CADM1: variants seen among roughly 807,000 people sequenced by gnomAD.
The protein encoded by CADM1 is cell adhesion molecule 1.
In CADM1, 15 loss-of-function variants were observed where a neutral mutation model predicts 53.1. That is an observed-to-expected ratio of 0.28 (90% CI 0.19 to 0.44). The LOEUF (loss-of-function observed/expected upper bound fraction) is 0.44. Ranked by LOEUF, CADM1 falls within the 20% of genes least tolerant of loss-of-function variation. CADM1 has a pLI of 1.00. For synonymous variants in CADM1, 281 were observed against 243.0 expected (o/e 1.16, Z -1.45); for missense variants, 434 against 611.3 (o/e 0.71, Z 3.06).
chr11:115,296,006 A>G (rs1944068481), intron 1 of CADM1, among the ~76,000 whole-genome samples: 3 of 152,138 alleles, frequency 2.0e-5, no homozygotes, highest in Non-Finnish European at 2.9e-5. Flanking sequence ...GCTGGAGTGC[A>G]GTGGTGCAAC....
chr11:115,213,151 T>C (rs1225884523), intron 7 of CADM1, among the ~76,000 whole-genome samples: 3 of 152,146 alleles, frequency 2.0e-5, no homozygotes, highest in Admixed American at 6.6e-5. Flanking sequence ...GCAACAGCAA[T>C]GTCGGGGACT....
chr11:115,214,718 C>G lies in CADM1; in HGVS notation c.884G>C (p.Gly295Ala). 1 of 1,613,950 alleles carries G rather than the reference C, an allele frequency of 6.2e-7. No individual in the cohort carries two copies. Among genetic ancestry groups the G allele is most frequent in the Non-Finnish European group, 8.5e-7 (1 of 1,179,950 alleles). ...TAGGTTATTGATGAACAGGTTGGGC[C>G]CAGACAGTACGGCGTGTTGAGGCAT... is the stretch of plus-strand genomic sequence containing the variant. Reference protein sequence around the residue: ...DEMPQHAVLSGPNLFINNLNK... With the variant: ...DEMPQHAVLSAPNLFINNLNK... The change falls in exon 7 of 12, where the codon GGG (glycine) becomes GCG (alanine). Residue 295 changes from glycine (G) to alanine (A), a missense_variant. By Grantham distance (60) the Gly-to-Ala change is moderately conservative. Coordinates refer to ENST00000331581, the MANE Select transcript of CADM1 (RefSeq NM_001301043.2).
intron 1 of CADM1, among the ~76,000 whole-genome samples, chr11:115,409,914 C>T (rs543375883): frequency 1.3e-5 from 2 of 152,146 alleles, no homozygotes; most frequent in African/African-American, 2.4e-5. Context: ...GGGGTCTGTA[C>T]GCAAAACATG....
chr11:115,355,952 CTTCCTGAGTAGCTGGGATTATAGGCAT>C (rs1945859955), intron 1 of CADM1, among the ~76,000 whole-genome samples: 1 of 152,158 alleles, frequency 6.6e-6, no homozygotes, highest in Non-Finnish European at 1.5e-5. Context: ...CCTGCCTCAG[CTTCCTGAGTAGCTGGGATTATAGGCAT>C]GTGCCACCAC....
intron 3 of CADM1, among the ~76,000 whole-genome samples, chr11:115,238,050 T>A (rs751820441): frequency 1.4e-4 from 21 of 152,090 alleles, no homozygotes; most frequent in Middle Eastern, 3.2e-3. Context: ...GTCAAGCCAA[T>A]GAAAAGGAGA....
At chr11:115,247,761 C>T (rs1374514455) in intron 1 of CADM1, among the ~76,000 whole-genome samples, 3 of 152,206 alleles carry the variant, frequency 2.0e-5, no homozygotes, top group African/African-American at 4.8e-5. Flanking sequence ...GGAGAGGCAG[C>T]TCTGAAATAG....
At chr11:115,428,421 T>TAA (rs1006717441) in intron 1 of CADM1, among the ~76,000 whole-genome samples, 20 of 152,268 alleles carry the variant, frequency 1.3e-4, no homozygotes, top group African/African-American at 3.6e-4. Context: ...CTCATTTATA[T>TAA]AAAAAAGAAT....
intron 1 of CADM1, among the ~76,000 whole-genome samples, chr11:115,362,954 G>C (rs1833682219): frequency 6.6e-6 from 1 of 152,112 alleles, no homozygotes; most frequent in African/African-American, 2.4e-5. Flanking sequence ...CTAGGTGCTA[G>C]GTGACAGAAA....
chr11:115,370,426 GGGTTAGACAA>G (rs1946280319), intron 1 of CADM1, among the ~76,000 whole-genome samples: 2 of 152,102 alleles, frequency 1.3e-5, no homozygotes, highest in African/African-American at 4.8e-5. Flanking sequence ...CAGGAAATTG[GGGTTAGACAA>G]GGTTATAAGG....
intron 3 of CADM1, among the ~76,000 whole-genome samples, chr11:115,232,396 T>G (rs1941851954): frequency 6.6e-6 from 1 of 152,212 alleles, no homozygotes; most frequent in Non-Finnish European, 1.5e-5. Flanking sequence ...TAAAGTCCTT[T>G]GGATATGAAG....
At chr11:115,236,288 G>A (rs1426366950) in intron 3 of CADM1, among the ~76,000 whole-genome samples, 1 of 152,016 alleles carries the variant, frequency 6.6e-6, no homozygotes, top group Non-Finnish European at 1.5e-5. Context: ...GAGAAACGTT[G>A]GAATATACGA....
At chr11:115,456,593 C>G in intron 1 of CADM1, among the ~76,000 whole-genome samples, 1 of 151,996 alleles carries the variant, frequency 6.6e-6, no homozygotes, top group East Asian at 1.9e-4. Flanking sequence ...AGACATAGGA[C>G]TAGTTGAATG....
chr11:115,451,071 T>C (rs1367451154), intron 1 of CADM1, among the ~76,000 whole-genome samples: 3 of 152,238 alleles, frequency 2.0e-5, no homozygotes, highest in Non-Finnish European at 4.4e-5. Context: ...GCTTTAAGAA[T>C]AATCTGGAAA....
Position 115,343,842 on chromosome 11 carries a change from G to A in CADM1, c.125-103422C>T, listed in dbSNP as rs6589494. On this transcript the variant is annotated intron_variant, in intron 1 of 11. Transcript: ENST00000331581. ...CTGTGATATTGGGCAAAACTTTAAC[G>A]CTTCTGAGTTATTTTTCTTCTCTAA... is the stretch of plus-strand genomic sequence containing the variant. Among the ~76,000 whole-genome samples, 86 of 151,828 alleles carry A rather than the reference G, an allele frequency of 5.7e-4. 1 individual carries two copies. The highest frequency in any genetic ancestry group is 1.7e-3 in the African/African-American group (71 of 41,380).
At chr11:115,483,808 C>T (rs1949309338) in intron 1 of CADM1, among the ~76,000 whole-genome samples, 1 of 152,144 alleles carries the variant, frequency 6.6e-6, no homozygotes, top group Non-Finnish European at 1.5e-5. Flanking sequence ...AAAAATTCAG[C>T]CCCTTAGTCA....
chr11:115,355,475 C>G (rs941999180), intron 1 of CADM1, among the ~76,000 whole-genome samples: 3 of 151,988 alleles, frequency 2.0e-5, no homozygotes, highest in Non-Finnish European at 4.4e-5. Flanking sequence ...AGGGTAGAGG[C>G]TGGGAGGAGG....
chr11:115,353,091 T>C (rs1945778886), intron 1 of CADM1, among the ~76,000 whole-genome samples: 1 of 152,240 alleles, frequency 6.6e-6, no homozygotes, highest in South Asian at 2.1e-4. Context: ...TTTGATAATT[T>C]CTATTTATGT....
At chr11:115,206,774 T>TTTTTTTTTTTTTTTTTTTTTTTTTG (rs1940715070) in intron 8 of CADM1, among the ~76,000 whole-genome samples, 1 of 131,822 alleles carries the variant, frequency 7.6e-6, no homozygotes, top group Non-Finnish European at 1.6e-5. Context: ...TTTTTTTTTT[T>TTTTTTTTTTTTTTTTTTTTTTTTTG]TTTTTTTTTT....
chr11:115,290,817 AG>A (rs1453174893), intron 1 of CADM1, among the ~76,000 whole-genome samples: 2 of 152,208 alleles, frequency 1.3e-5, no homozygotes, highest in African/African-American at 4.8e-5. Context: ...TTAAATCCAA[AG>A]GCTTGTTTAG....
Sources: gnomAD v4.1 joint callset for allele counts (sites outside exome capture counted in the v4.1 genomes callset) on GRCh38, gnomAD v4.1.1 for gene constraint, MANE v1.5 for transcripts, NCBI Gene and HGNC (gene_info 2026-07-23, HGNC 2026-07-21) for gene names.